SDF2: variants seen among roughly 807,000 people sequenced by gnomAD.
SDF2 encodes the protein stromal cell derived factor 2.
A neutral mutation model predicts 20.5 loss-of-function variants in SDF2; 12 were observed. That is an observed-to-expected ratio of 0.58 (90% CI 0.37 to 0.95). The LOEUF is 0.95. Among genes scored for constraint, SDF2 ranks in the 40% least tolerant of loss-of-function variants. SDF2 has a pLI of 0.01. For missense variants in SDF2, 238 were observed against 263.1 expected, an observed-to-expected ratio of 0.90 and a Z score of 0.66; for synonymous variants, 100 against 101.0, an observed-to-expected ratio of 0.99 and a Z score of 0.06.
intron 2 of SDF2, 96 bp from the exon 3 acceptor site, chr17:28,649,372 A>G (rs1027050254): frequency 2.5e-6 from 3 of 1,186,746 alleles, no homozygotes; most frequent in African/African-American, 1.5e-5. Flanking sequence ...ACCTTGAAGT[A>G]AAAAATCAGA....
chr17:28,661,805 A>G lies in SDF2; in HGVS notation c.72T>C (p.Val24=). 1 of 1,614,068 alleles carries G rather than the reference A, an allele frequency of 6.2e-7. No individual in the cohort carries two copies. Among genetic ancestry groups the G allele is most frequent in the Non-Finnish European group, 8.5e-7 (1 of 1,180,000 alleles). The change falls in exon 1 of 3, where the codon GTT becomes GTC. Residue 24 remains valine, a synonymous_variant. Transcript: ENST00000247020. ...GTAGCTTCACCACGGAGCCGCAAGTAACGACACCCAGGCTGGACGCTCCCA... is the reference window on the plus strand; with the variant it reads ...GTAGCTTCACCACGGAGCCGCAAGTGACGACACCCAGGCTGGACGCTCCCA... ...SAVGASSLGV[V]TCGSVVKLLN...
At position 28,655,340 on chromosome 17, in the gene SDF2, T is replaced by G; in HGVS notation, c.295A>C (p.Thr99Pro). The change falls in exon 2 of 3, where the codon ACT becomes CCT. Residue 99 changes from threonine to proline, a missense_variant. By Grantham distance (38) the Thr-to-Pro change is conservative. Coordinates refer to ENST00000247020, the MANE Select transcript of SDF2 (RefSeq NM_006923.4). ...GQPIRLTHVN[T>P]GRNLHSHHFT... Reference sequence around the variant, plus strand: ...TGGTGACTATGGAGGTTTCGGCCAGTGTTGACATGTGTCAGCCGGATGGGC... The same window carrying G: ...TGGTGACTATGGAGGTTTCGGCCAGGGTTGACATGTGTCAGCCGGATGGGC... 1.2e-6 allele frequency: 2 copies of G among 1,614,238 alleles called. No individual in the cohort carries two copies. The highest frequency in any genetic ancestry group is 1.7e-6 in the Non-Finnish European group (2 of 1,180,046).
At chr17:28,649,968 T>C (rs2151580484) in intron 2 of SDF2, among the ~76,000 whole-genome samples, 1 of 152,016 alleles carries the variant, frequency 6.6e-6, no homozygotes, top group East Asian at 1.9e-4. Context: ...TTTATTTATT[T>C]TGAGACAGAG....
In SDF2 at chr17:28,661,770, C is replaced by A. The variant is rs760535633; in HGVS notation, c.107G>T (p.Arg36Leu). Residue 36 changes from arginine (R) to leucine (L), a missense_variant, in exon 1 of 3, where the codon CGC becomes CTC. Arg to Leu is a moderately radical substitution (Grantham distance 102, BLOSUM62 -2). Transcript: ENST00000247020. ...GTGTGAGTGCAGTCGGACGTTGTGG[C>A]GCGTATTGAGTAGCTTCACCACGGA... ...CGSVVKLLNT[R>L]HNVRLHSHDV... 1.9e-6 allele frequency: 3 copies of A among 1,613,948 alleles called. No individual in the cohort carries two copies. Among genetic ancestry groups the A allele is most frequent in the African/African-American group, 2.7e-5 (2 of 74,884 alleles).
chr17:28,657,082 C>T (rs2071969653), intron 1 of SDF2, among the ~76,000 whole-genome samples: 1 of 152,042 alleles, frequency 6.6e-6, no homozygotes, highest in African/African-American at 2.4e-5. Context: ...TAAAAATTAG[C>T]TGGGCGTGGT....
intron 1 of SDF2, among the ~76,000 whole-genome samples, chr17:28,660,108 G>A (rs1009501489): frequency 2.0e-5 from 3 of 152,184 alleles, no homozygotes; most frequent in Non-Finnish European, 4.4e-5. Flanking sequence ...GCATGGCGGC[G>A]TGTGCCTGCA....
At chr17:28,653,788 G>T (rs1232576244) in intron 2 of SDF2, among the ~76,000 whole-genome samples, 3 of 151,960 alleles carry the variant, frequency 2.0e-5, no homozygotes, top group Non-Finnish European at 4.4e-5. Flanking sequence ...CTCCAGCCTG[G>T]GACAGAGCGA....
At chr17:28,649,318 G>C (rs1245391359) in intron 2 of SDF2, 42 bp from the exon 3 acceptor site, 1 of 1,592,854 alleles carries the variant, frequency 6.3e-7, no homozygotes, top group East Asian at 2.2e-5. Context: ...TGGCTGACAA[G>C]GGCTTGAAAA....
chr17:28,652,868 C>A (rs1567676298), intron 2 of SDF2, among the ~76,000 whole-genome samples: 1 of 152,150 alleles, frequency 6.6e-6, no homozygotes, highest in Admixed American at 6.6e-5. Context: ...TGCCAATGGA[C>A]ACAAAGCCAG....
chr17:28,657,213 C>A (rs1027505925), intron 1 of SDF2, among the ~76,000 whole-genome samples: 7 of 152,016 alleles, frequency 4.6e-5, no homozygotes, highest in African/African-American at 1.7e-4. Context: ...GGTGGCAGGG[C>A]AAGACTCTGT....
At position 28,655,479 on chromosome 17, in the gene SDF2, A is replaced by G. The variant is rs2071953653; in HGVS notation, c.156T>C (p.Ser52=). Residue 52 remains serine, a synonymous_variant, in exon 2 of 3, where the codon AGT becomes AGC. Coordinates refer to ENST00000247020, the MANE Select transcript of SDF2 (RefSeq NM_006923.4). ...TTACACCTGTCACTGACTGCTGCCC[A>G]CTACCTGCAGTTAAGAAAAGAAAGG... ...HSHDVRYGSG[S]GQQSVTGVTS... is the part of the protein sequence containing the mutation. 1.9e-6 allele frequency: 3 copies of G among 1,592,212 alleles called. No individual in the cohort carries two copies. The highest frequency in any genetic ancestry group is 2.3e-5 in the South Asian group (2 of 88,258).
intron 1 of SDF2, among the ~76,000 whole-genome samples, chr17:28,658,844 A>G (rs1329370185): frequency 1.3e-5 from 2 of 152,138 alleles, no homozygotes; most frequent in African/African-American, 4.8e-5. Flanking sequence ...GGCCAGGCAG[A>G]GGCGCTCCTC....
chr17:28,662,112 G>T (rs1249075459), upstream of SDF2: 4 of 427,662 alleles, frequency 9.4e-6, no homozygotes, highest in Admixed American at 1.6e-4. Flanking sequence ...GTTACCTTTC[G>T]CACCCACGAG....
chr17:28,652,499 G>A (rs538691967), intron 2 of SDF2, among the ~76,000 whole-genome samples: 29 of 152,144 alleles, frequency 1.9e-4, no homozygotes, highest in African/African-American at 5.8e-4. Flanking sequence ...TAGTAGATAC[G>A]GGGTTTCACC....
At chr17:28,649,908 A>AAG (rs1204267179) in intron 2 of SDF2, among the ~76,000 whole-genome samples, 1 of 151,602 alleles carries the variant, frequency 6.6e-6, no homozygotes, top group East Asian at 1.9e-4. Context: ...CTCAAAAAAA[A>AAG]AAAAAAAATT....
intron 1 of SDF2, among the ~76,000 whole-genome samples, chr17:28,657,061 T>C (rs933953279): frequency 7.2e-5 from 11 of 152,012 alleles, no homozygotes; most frequent in Admixed American, 7.2e-4. Flanking sequence ...ACCCCGTCTC[T>C]ACTAAAAATA....
At chr17:28,655,206 G>C in intron 2 of SDF2, 81 bp downstream of exon 2, 11 of 1,343,924 alleles carry the variant, frequency 8.2e-6, no homozygotes, top group African/African-American at 1.4e-5. Flanking sequence ...ACCTAGAAAA[G>C]AAACATTTAA....
chr17:28,651,236 A>G (rs961175090), intron 2 of SDF2, among the ~76,000 whole-genome samples: 3 of 152,034 alleles, frequency 2.0e-5, no homozygotes, highest in Non-Finnish European at 4.4e-5. Context: ...TAATTTTGGT[A>G]TTTTTTAATA....
At chr17:28,660,025 G>T (rs1456839055) in intron 1 of SDF2, among the ~76,000 whole-genome samples, 2 of 152,234 alleles carry the variant, frequency 1.3e-5, no homozygotes, top group Non-Finnish European at 2.9e-5. Flanking sequence ...GATCACTCGA[G>T]GTCAGGAGCT....
Sources: gnomAD v4.1 joint callset for allele counts (sites outside exome capture counted in the v4.1 genomes callset) on GRCh38, gnomAD v4.1.1 for gene constraint, MANE v1.5 for transcripts, NCBI Gene and HGNC (gene_info 2026-07-23, HGNC 2026-07-21) for gene names.